TMEM201: variants seen among roughly 807,000 people sequenced by gnomAD.
The protein encoded by TMEM201 is transmembrane protein 201, also known as RP13-15M17.2.
Under a neutral mutation model 63.4 loss-of-function variants are expected in TMEM201, and 26 were observed. The observed-to-expected ratio is 0.41, with a 90% CI of 0.30 to 0.57. The LOEUF (loss-of-function observed/expected upper bound fraction) is 0.57. Ranked by LOEUF, TMEM201 falls within the 20% of genes least tolerant of loss-of-function variation. TMEM201 has a pLI of 0.29. For missense variants in TMEM201, 794 were observed against 917.7 expected (o/e 0.87, Z 1.74); for synonymous variants, 417 against 421.6 (o/e 0.99, Z 0.14).
chr1:9,600,525 T>G (rs1022255834), intron 4 of TMEM201, among the ~76,000 whole-genome samples: 1 of 152,124 alleles, frequency 6.6e-6, no homozygotes, highest in Non-Finnish European at 1.5e-5. Flanking sequence ...GTGATACCAG[T>G]CACTCTCCCG....
Position 9,603,253 on chromosome 1 carries a change from G to A in TMEM201, c.1160+981G>A, listed in dbSNP as rs145705490. 38 of 984,902 alleles carry A rather than the reference G, an allele frequency of 3.9e-5. No individual in the cohort carries two copies. Among genetic ancestry groups the A allele is most frequent in the Non-Finnish European group, 4.6e-5 (38 of 829,456 alleles). 61.0% of individuals were successfully genotyped at this position (984,902 alleles called of 1,614,324 possible). A position where few individuals can be genotyped will look rare whatever the true frequency, so the allele number is the denominator to read the frequency against. On this transcript the variant is annotated intron_variant, in intron 6 of 10. Transcript: ENST00000340381. This position sits in a 1 kb window ranked among gnomAD's most constrained non-coding sequence, Gnocchi z 4.5. ...AGCAGGGCCTGGCCAGGCCCCTGCT[G>A]TTCTCAGCCTCAGTTTGCCATCTAT...
In TMEM201 at chr1:9,603,837, C is replaced by T. The variant is rs79348095; in HGVS notation, c.1160+1565C>T. The T allele has an allele frequency of 2.9e-3, 2,832 of 985,422 alleles. 92 individuals carry two copies. The Admixed American group carries it at 0.071, about 25-fold the overall frequency. The allele number at this position is 985,422 out of a possible 1,614,324, so 61.0% of individuals were successfully genotyped here. On this transcript the variant is annotated intron_variant, in intron 6 of 10. Coordinates refer to ENST00000340381, the MANE Select transcript of TMEM201 (RefSeq NM_001130924.3). This position sits in a 1 kb window ranked among gnomAD's most constrained non-coding sequence, Gnocchi z 4.5. ...TGTGGCCTCTGTGCCCGATGACCTG[C>T]GTGGCTTCAGACAAGGCCCCAGCGT...
At chr1:9,591,775 C>T (rs530535173) in intron 1 of TMEM201, among the ~76,000 whole-genome samples, 9 of 152,326 alleles carry the variant, frequency 5.9e-5, no homozygotes, top group African/African-American at 1.9e-4. Flanking sequence ...AGGCTCCCCC[C>T]TCCCACTCAC....
rs1024450490 is a variant in TMEM201 at position 9,604,308 on chromosome 1, C to G, written c.1160+2036C>G. 8 of 985,322 alleles carry G rather than the reference C, an allele frequency of 8.1e-6. No homozygotes were observed. The highest frequency in any genetic ancestry group is 1.7e-5 in the African/African-American group (1 of 57,246). 61.0% of individuals were successfully genotyped at this position (985,322 alleles called of 1,614,324 possible). A position where few individuals can be genotyped will look rare whatever the true frequency, so the allele number is the denominator to read the frequency against. ...CAGGATCCTCCTGCCGAGCTGATGTCGCTCCTGCCCTCTGCCGGGGTCCGG... is the reference window on the plus strand; with the variant it reads ...CAGGATCCTCCTGCCGAGCTGATGTGGCTCCTGCCCTCTGCCGGGGTCCGG... On this transcript the variant is annotated intron_variant, in intron 6 of 10. Coordinates refer to ENST00000340381, the MANE Select transcript of TMEM201 (RefSeq NM_001130924.3). This position sits in a 1 kb window ranked among gnomAD's most constrained non-coding sequence, Gnocchi z 4.1.
intron 6 of TMEM201, chr1:9,602,774 G>A: frequency 1.0e-6 from 1 of 996,020 alleles, no homozygotes; most frequent in African/African-American, 1.7e-5. Context: ...GTGAGGCTGG[G>A]GCAGCAGAGA....
At chr1:9,602,976 C>A in intron 6 of TMEM201, 1 of 985,560 alleles carries the variant, frequency 1.0e-6, no homozygotes, top group Non-Finnish European at 1.2e-6. Flanking sequence ...CCCAGCCTGG[C>A]CTTCGCCATG....
chr1:9,610,992 G>A lies in TMEM201; in HGVS notation c.1765+187G>A, dbSNP rs1644316901. The A allele has an allele frequency of 5.2e-6, 8 of 1,533,088 alleles. No individual in the cohort carries two copies. Among genetic ancestry groups the A allele is most frequent in the Middle Eastern group, 1.7e-4 (1 of 5,980 alleles). The allele number at this position is 1,533,088 out of a possible 1,614,324, so 95.0% of individuals were successfully genotyped here. ...TCTGGGACATTGACCTCTAATGGCT[G>A]ATTTCAGTTTCTCCTTTTGCAGTTG... On this transcript the variant is annotated intron_variant, in intron 9 of 10. Transcript: ENST00000340381. The surrounding 1 kb of genome is among the most constrained non-coding windows in gnomAD (Gnocchi z 4.9).
chr1:9,603,994 A>G lies in TMEM201; in HGVS notation c.1160+1722A>G, dbSNP rs2100502144. 1 of 985,402 alleles carries G rather than the reference A, an allele frequency of 1.0e-6. No homozygotes were observed. Among genetic ancestry groups the G allele is most frequent in the Non-Finnish European group, 1.2e-6 (1 of 829,938 alleles). The allele number at this position is 985,402 out of a possible 1,614,324, so 61.0% of individuals were successfully genotyped here. On this transcript the variant is annotated intron_variant, in intron 6 of 10. Transcript: ENST00000340381. This position sits in a 1 kb window ranked among gnomAD's most constrained non-coding sequence, Gnocchi z 4.5. ...GGCGGGTGAGCCAAAGCGGCCCCCC[A>G]TGGTGTCTACCTGAGGGGCAGGGAA...
In TMEM201 at chr1:9,608,162, C is replaced by G. The variant is rs1644274458; in HGVS notation, c.1393+373C>G. Reference sequence around the variant, plus strand: ...CTGAGGTGGGAGGATCGGTTGAACCCAGGAGTTGGAAGCTGCAGTGAGCTA... The same window carrying G: ...CTGAGGTGGGAGGATCGGTTGAACCGAGGAGTTGGAAGCTGCAGTGAGCTA... On this transcript the variant is annotated intron_variant, in intron 7 of 10. Coordinates refer to ENST00000340381, the MANE Select transcript of TMEM201 (RefSeq NM_001130924.3). The surrounding 1 kb of genome is among the most constrained non-coding windows in gnomAD (Gnocchi z 4.3). Among the ~76,000 whole-genome samples the G allele has an allele frequency of 2.6e-5, 4 of 152,168 alleles. No homozygotes were observed. The highest frequency in any genetic ancestry group is 5.9e-5 in the Non-Finnish European group (4 of 68,024).
chr1:9,610,003 C>A lies in TMEM201; in HGVS notation c.1465+92C>A. 1 of 1,248,710 alleles carries A rather than the reference C, an allele frequency of 8.0e-7. No individual in the cohort carries two copies. The highest frequency in any genetic ancestry group is 1.1e-6 in the Non-Finnish European group (1 of 874,876). 77.4% of individuals were successfully genotyped at this position (1,248,710 alleles called of 1,614,324 possible). On this transcript the variant is annotated intron_variant, in intron 8 of 10. Transcript: ENST00000340381. This position sits in a 1 kb window ranked among gnomAD's most constrained non-coding sequence, Gnocchi z 4.9. ...GGTTTGTGTGAGCTTTGGGGTCAGA[C>A]AGACCCCAAGTGTGTGTTCACATCT...
chr1:9,611,940 C>A (rs1240890229), intron 10 of TMEM201, 50 bp downstream of exon 10: 5 of 1,489,672 alleles, frequency 3.4e-6, no homozygotes, highest in Non-Finnish European at 4.5e-6. Flanking sequence ...ACATCCGAAG[C>A]CACCATCTCC....
In TMEM201 at chr1:9,601,453, A is replaced by AGGTGTGCATGGGGCCAGGGCCAGGAGTT. The variant is rs2100491123; in HGVS notation, c.956+2_956+29dup. The AGGTGTGCATGGGGCCAGGGCCAGGAGTT allele has an allele frequency of 6.3e-7, 1 of 1,580,512 alleles. No individual in the cohort carries two copies. The highest frequency in any genetic ancestry group is 8.6e-7 in the Non-Finnish European group (1 of 1,167,528). ...GGCAATGCTGCTGGCTGGCCGCATC[A>AGGTGTGCATGGGGCCAGGGCCAGGAGTT]GGTGTGCATGGGGCCAGGGCCAGGA... On this transcript the variant is annotated frameshift_variant and splice_region_variant, in exon 5 of 11. Coordinates refer to ENST00000340381, the MANE Select transcript of TMEM201 (RefSeq NM_001130924.3). LOFTEE classifies it high-confidence loss of function.
At position 9,598,537 on chromosome 1, in the gene TMEM201, A is replaced by G. The variant is rs747069202; in HGVS notation, c.518A>G (p.Tyr173Cys). 4 of 1,613,848 alleles carry G rather than the reference A, an allele frequency of 2.5e-6. No individual in the cohort carries two copies. The highest frequency in any genetic ancestry group is 3.4e-6 in the Non-Finnish European group (4 of 1,180,028). Residue 173 changes from tyrosine to cysteine, a missense_variant, in exon 4 of 11, where the codon TAC becomes TGC. Physicochemically the swap from Tyr to Cys is radical, Grantham distance 194. Coordinates refer to ENST00000340381, the MANE Select transcript of TMEM201 (RefSeq NM_001130924.3). ...LCRPCQAAVEYYIKHQNRQLR... is the reference protein window; with the variant it reads ...LCRPCQAAVECYIKHQNRQLR... ...CGGCCGTGCCAAGCGGCTGTGGAGT[A>G]CTACATCAAGCACCAGAACCGCCAG...
intron 5 of TMEM201, 26 bp from the exon 6 acceptor site, chr1:9,602,043 G>A: frequency 6.2e-7 from 1 of 1,604,696 alleles, no homozygotes; most frequent in Non-Finnish European, 8.5e-7. Context: ...TCCTCCCCTG[G>A]GGTGACCCCG....
chr1:9,597,106 A>G, intron 3 of TMEM201, 53 bp downstream of exon 3: 2 of 1,552,832 alleles, frequency 1.3e-6, no homozygotes. Context: ...GGATGCTTAG[A>G]GCAGCCGGGG....
chr1:9,611,663 A>G (rs2100529157), intron 9 of TMEM201, 90 bp from the exon 10 acceptor site: 1 of 1,518,674 alleles, frequency 6.6e-7, no homozygotes, highest in East Asian at 2.5e-5. Flanking sequence ...ACTTCTGACA[A>G]CTGTCCTTAG....
Position 9,601,321 on chromosome 1 carries a change from C to T in TMEM201, c.823C>T (p.Leu275=). The change falls in exon 5 of 11, where the codon CTG becomes TTG. Residue 275 remains leucine, a synonymous_variant. Transcript: ENST00000340381. ...TPGAEGWRQL[L]GLLPEHMAEK... ...TGGGGCCGAGGGCTGGCGGCAGTTG[C>T]TGGGCCTACTCCCCGAGCACATGGC... The T allele has an allele frequency of 1.2e-6, 2 of 1,609,316 alleles. No homozygotes were observed. Among genetic ancestry groups the T allele is most frequent in the Non-Finnish European group, 1.7e-6 (2 of 1,179,888 alleles).
At chr1:9,594,040 G>A (rs1048058755) in intron 1 of TMEM201, among the ~76,000 whole-genome samples, 2 of 152,240 alleles carry the variant, frequency 1.3e-5, no homozygotes, top group African/African-American at 2.4e-5. Context: ...GTCGGCGCCC[G>A]GTGGCGCTGT....
chr1:9,603,008 C>T lies in TMEM201; in HGVS notation c.1160+736C>T, dbSNP rs1379701634. 1.0e-6 allele frequency: 1 copy of T among 985,598 alleles called. No homozygotes were observed. Among genetic ancestry groups the T allele is most frequent in the Non-Finnish European group, 1.2e-6 (1 of 830,056 alleles). The allele number at this position is 985,598 out of a possible 1,614,324, so 61.1% of individuals were successfully genotyped here. A position where few individuals can be genotyped will look rare whatever the true frequency, so the allele number is the denominator to read the frequency against. Reference sequence around the variant, plus strand: ...CATGAGTTTGGGGAGCGAGACCCCACCTGAGACAGGCAGTAGGAGCCTGTG... The same window carrying T: ...CATGAGTTTGGGGAGCGAGACCCCATCTGAGACAGGCAGTAGGAGCCTGTG... On this transcript the variant is annotated intron_variant, in intron 6 of 10. Coordinates refer to ENST00000340381, the MANE Select transcript of TMEM201 (RefSeq NM_001130924.3). This position sits in a 1 kb window ranked among gnomAD's most constrained non-coding sequence, Gnocchi z 4.5.
Sources: allele counts gnomAD v4.1 joint callset (sites outside exome capture counted in the v4.1 genomes callset), GRCh38; gene constraint gnomAD v4.1.1; non-coding constraint Gnocchi (gnomAD v3.1); transcripts MANE v1.5; gene names NCBI Gene and HGNC (gene_info 2026-07-23, HGNC 2026-07-21).